SUGCT: variants seen among roughly 807,000 people sequenced by gnomAD.
The protein encoded by SUGCT is succinyl-CoA:glutarate-CoA transferase.
A neutral mutation model predicts 55.0 loss-of-function variants in SUGCT; 41 were observed. That is an observed-to-expected ratio of 0.74 (90% CI 0.58 to 0.97). SUGCT has a LOEUF of 0.97. Ranked by LOEUF, SUGCT falls within the 50% of genes least tolerant of loss-of-function variation. SUGCT has a pLI of 0.00. For missense variants in SUGCT, 568 were observed against 547.8 expected, an observed-to-expected ratio of 1.04 and a Z score of -0.37; for synonymous variants, 187 against 200.4, an observed-to-expected ratio of 0.93 and a Z score of 0.56.
At chr7:40,622,723 CTG>C (rs1023961179) in intron 12 of SUGCT, among the ~76,000 whole-genome samples, 31 of 151,592 alleles carry the variant, frequency 2.0e-4, no homozygotes, top group African/African-American at 7.3e-4. Flanking sequence ...GTGTGTGTGT[CTG>C]TGTGTGTCTT....
Position 40,693,085 on chromosome 7 carries a change from G to A in SUGCT, c.1090-56349G>A, listed in dbSNP as rs1267788594. ...AGGAGCTACTTCTTAAACTAAGAAT[G>A]TGCCTTATCTCCGCCCTAGTAGCCA... On this transcript the variant is annotated intron_variant, in intron 12 of 13. Transcript: ENST00000335693. Among the ~76,000 whole-genome samples, 11 of 152,168 alleles carry A rather than the reference G, an allele frequency of 7.2e-5. No individual in the cohort carries two copies. The East Asian group carries it at 1.9e-3, about 27-fold the overall frequency.
At chr7:40,830,886 T>G (rs1792628545) in intron 13 of SUGCT, among the ~76,000 whole-genome samples, 1 of 152,188 alleles carries the variant, frequency 6.6e-6, no homozygotes, top group African/African-American at 2.4e-5. Flanking sequence ...ATCTTTCCCC[T>G]GTACCACCTT....
chr7:41,010,473 G>A, the SUGCT span, among the ~76,000 whole-genome samples: 1 of 152,254 alleles, frequency 6.6e-6, no homozygotes, highest in Non-Finnish European at 1.5e-5. Context: ...GTAGGAACTT[G>A]TTCCTTCTCT....
intron 13 of SUGCT, among the ~76,000 whole-genome samples, chr7:40,752,303 A>G (rs1788055927): frequency 6.6e-6 from 1 of 152,190 alleles, no homozygotes; most frequent in Non-Finnish European, 1.5e-5. Context: ...ATGTTGGTGT[A>G]CAGCTGGCAA....
chr7:40,179,354 C>T (rs537386785), intron 1 of SUGCT, among the ~76,000 whole-genome samples: 106 of 151,806 alleles, frequency 7.0e-4, no homozygotes, highest in Non-Finnish European at 1.3e-3. Flanking sequence ...AGTGCAATGG[C>T]GCCATCTCAG....
chr7:40,186,283 G>A (rs1217124033), intron 3 of SUGCT, among the ~76,000 whole-genome samples: 1 of 129,380 alleles, frequency 7.7e-6, no homozygotes, highest in African/African-American at 2.9e-5. Flanking sequence ...TCTTTTCACA[G>A]GATCTTGCTC....
At chr7:40,588,194 G>A (rs1442420197) in intron 12 of SUGCT, among the ~76,000 whole-genome samples, 3 of 151,142 alleles carry the variant, frequency 2.0e-5, no homozygotes, top group Non-Finnish European at 2.9e-5. Context: ...GAGTCACTGC[G>A]CCCAGCCCTC....
chr7:40,524,735 G>A (rs1793716821), intron 12 of SUGCT, among the ~76,000 whole-genome samples: 1 of 152,100 alleles, frequency 6.6e-6, no homozygotes, highest in African/African-American at 2.4e-5. Context: ...TCACATTATT[G>A]GCTTCCGTAG....
intron 12 of SUGCT, among the ~76,000 whole-genome samples, chr7:40,657,743 C>G (rs989312750): frequency 2.0e-5 from 3 of 152,184 alleles, no homozygotes; most frequent in Non-Finnish European, 4.4e-5. Flanking sequence ...GCCATGTTGG[C>G]CACGCTGATC....
chr7:40,651,353 T>G (rs1349627754), intron 12 of SUGCT, among the ~76,000 whole-genome samples: 1 of 152,192 alleles, frequency 6.6e-6, no homozygotes, highest in East Asian at 1.9e-4. Context: ...GTGATGTTAA[T>G]CTTTTTTTCA....
chr7:40,428,191 C>G (rs372942076), intron 9 of SUGCT, among the ~76,000 whole-genome samples: 10 of 152,148 alleles, frequency 6.6e-5, no homozygotes, highest in African/African-American at 2.4e-4. Context: ...TTATGGCTAC[C>G]TCTGCCCTCT....
the SUGCT span, among the ~76,000 whole-genome samples, chr7:40,875,632 A>G: frequency 5.3e-4 from 80 of 152,334 alleles, no homozygotes; most frequent in African/African-American, 1.8e-3. Context: ...ACCAGTTGCA[A>G]GTTTTTCTAA....
chr7:40,657,825 C>T (rs905569859), intron 12 of SUGCT, among the ~76,000 whole-genome samples: 10 of 152,146 alleles, frequency 6.6e-5, no homozygotes, highest in South Asian at 4.1e-4. Context: ...TGAGCCACTG[C>T]GCCCGGCCAT....
rs2329767 is a variant in SUGCT at position 40,250,832 on chromosome 7, T to C, written c.576+13106T>C. Among the ~76,000 whole-genome samples the C allele has an allele frequency of 9.6e-3, 811 of 84,856 alleles. 12 individuals carry two copies. The highest frequency in any genetic ancestry group is 0.023 in the African/African-American group (738 of 31,690). 55.7% of individuals were successfully genotyped at this position (84,856 alleles called of 152,430 possible). On this transcript the variant is annotated intron_variant, in intron 7 of 13. Coordinates refer to ENST00000335693, the MANE Select transcript of SUGCT (RefSeq NM_001193313.2). The stretch of plus-strand genomic sequence containing the variant: ...TGTTGAAGTCATTTCACGCTTCTTT[T>C]TTTTTTTTTTTTTTTTTTTTTTAAG...
intron 8 of SUGCT, among the ~76,000 whole-genome samples, chr7:40,290,309 T>C (rs1356621544): frequency 6.6e-6 from 1 of 152,094 alleles, no homozygotes; most frequent in East Asian, 1.9e-4. Flanking sequence ...AAAACAGAGA[T>C]AGAGATCAAT....
At chr7:40,632,544 A>C (rs536468784) in intron 12 of SUGCT, among the ~76,000 whole-genome samples, 14 of 148,160 alleles carry the variant, frequency 9.4e-5, no homozygotes, top group African/African-American at 3.0e-4. Flanking sequence ...AGACATGAAA[A>C]AGGAATATGG....
At chr7:40,552,423 G>A (rs1311106563) in intron 12 of SUGCT, among the ~76,000 whole-genome samples, 1 of 152,040 alleles carries the variant, frequency 6.6e-6, no homozygotes, top group African/African-American at 2.4e-5. Flanking sequence ...CTCTGAGCCT[G>A]GAGCGGAGTC....
chr7:40,136,025 C>CT (rs1787672468), intron 1 of SUGCT, among the ~76,000 whole-genome samples: 1 of 145,786 alleles, frequency 6.9e-6, no homozygotes, highest in South Asian at 2.1e-4. Context: ...TTGAGACAGT[C>CT]TCGCTCTGTC....
At chr7:40,315,940 A>G (rs575395556) in intron 8 of SUGCT, among the ~76,000 whole-genome samples, 1 of 152,290 alleles carries the variant, frequency 6.6e-6, no homozygotes, top group Non-Finnish European at 1.5e-5. Flanking sequence ...GATCACCAGG[A>G]ATCAATTCAT....
Sources: allele counts gnomAD v4.1 joint callset (sites outside exome capture counted in the v4.1 genomes callset), GRCh38; gene constraint gnomAD v4.1.1; transcripts MANE v1.5; gene names NCBI Gene and HGNC (gene_info 2026-07-23, HGNC 2026-07-21).